TPP2: variants seen among roughly 807,000 people sequenced by gnomAD.
TPP2 encodes the protein tripeptidyl-peptidase 2.
Under a neutral mutation model 155.9 loss-of-function variants are expected in TPP2, and 34 were observed. The ratio of observed to expected loss-of-function variants is 0.22; its 90% CI spans 0.17 to 0.29. The LOEUF (loss-of-function observed/expected upper bound fraction) is 0.29. Ranked by LOEUF, TPP2 falls within the 10% of genes least tolerant of loss-of-function variation. The probability of loss-of-function intolerance (pLI) is 1.00; values close to 1 mark genes in which losing one functional copy is unlikely to be tolerated. For missense variants in TPP2, 1,028 were observed against 1,522.3 expected (o/e 0.68, Z 5.40); for synonymous variants, 510 against 529.4 (o/e 0.96, Z 0.50).
rs1159808207 is a variant in TPP2, at chr13:102,626,997, C to T, written c.785-15C>T. ...ATGAGAATGTTTTGTCATTTCCCCACCTTTGTGTCTCTAGGAGCTCATGGG... is the reference window on the plus strand; with the variant it reads ...ATGAGAATGTTTTGTCATTTCCCCATCTTTGTGTCTCTAGGAGCTCATGGG... On this transcript the variant is annotated splice_polypyrimidine_tract_variant and intron_variant, in intron 6 of 29. Transcript: ENST00000376052. 1.3e-6 allele frequency: 2 copies of T among 1,513,996 alleles called. No homozygotes were observed. The highest frequency in any genetic ancestry group is 2.3e-5 in the Admixed American group (1 of 43,532). The allele number at this position is 1,513,996 out of a possible 1,614,324, so 93.8% of individuals were successfully genotyped here. A position where few individuals can be genotyped will look rare whatever the true frequency, so the allele number is the denominator to read the frequency against.
At chr13:102,639,318 A>T (rs973858542) in intron 15 of TPP2, among the ~76,000 whole-genome samples, 2 of 152,180 alleles carry the variant, frequency 1.3e-5, no homozygotes, top group African/African-American at 4.8e-5. Context: ...ACTCTGGTAA[A>T]TATTAAGTAT....
intron 16 of TPP2, 91 bp from the exon 17 acceptor site, chr13:102,643,131 A>T: frequency 8.2e-7 from 1 of 1,217,062 alleles, no homozygotes; most frequent in Non-Finnish European, 1.1e-6. Flanking sequence ...CCTACATGGG[A>T]ATTATCCCTA....
At chr13:102,599,052 A>AG (rs1879227049) in intron 1 of TPP2, among the ~76,000 whole-genome samples, 2 of 152,136 alleles carry the variant, frequency 1.3e-5, no homozygotes, top group African/African-American at 4.8e-5. Flanking sequence ...CCTGTCACCC[A>AG]GGTAGTGAGC....
chr13:102,636,382 G>A lies in TPP2; in HGVS notation c.1668G>A (p.Pro556=), dbSNP rs144307937. ...DHGVGIEPVF[P]ENTENSEKIS... The stretch of plus-strand genomic sequence containing the variant: ...GCGTTGGCATTGAACCTGTATTTCC[G>A]GAGAACACAGGTCAGTAATAGGCTG... The change falls in exon 13 of 30, where the codon CCG becomes CCA. Residue 556 remains proline (P), a synonymous_variant. Transcript: ENST00000376052. 106 of 1,612,236 alleles carry A rather than the reference G, an allele frequency of 6.6e-5. No individual in the cohort carries two copies. The African/African-American group carries it at 8.5e-4, about 13-fold the overall frequency.
intron 2 of TPP2, among the ~76,000 whole-genome samples, chr13:102,610,482 G>A (rs1310247370): frequency 3.3e-5 from 5 of 152,046 alleles, no homozygotes; most frequent in Admixed American, 6.6e-5. Flanking sequence ...CACCCACTTC[G>A]GCCTCCCAGA....
intron 21 of TPP2, among the ~76,000 whole-genome samples, chr13:102,647,793 A>G (rs1258283135): frequency 6.6e-6 from 1 of 152,030 alleles, no homozygotes; most frequent in Non-Finnish European, 1.5e-5. Flanking sequence ...TCGTTGGACA[A>G]CTCTGTAATG....
intron 25 of TPP2, among the ~76,000 whole-genome samples, chr13:102,661,646 G>A (rs1250873817): frequency 6.6e-6 from 1 of 152,154 alleles, no homozygotes; most frequent in Non-Finnish European, 1.5e-5. Context: ...CTATAAAGAT[G>A]TACAAATGAC....
chr13:102,643,277 A>T lies in TPP2; in HGVS notation c.2076A>T (p.Ala692=). 3 of 1,612,286 alleles carry T rather than the reference A, an allele frequency of 1.9e-6. No individual in the cohort carries two copies. The highest frequency in any genetic ancestry group is 2.5e-6 in the Non-Finnish European group (3 of 1,179,302). ...SEVSAKFVLH[A]VQLVKQRAYR... ...TGTCAGCAAAGTTTGTTCTACATGCAGTCCAGCTTGTGAAGCAAAGAGCAT... is the reference window on the plus strand; with the variant it reads ...TGTCAGCAAAGTTTGTTCTACATGCTGTCCAGCTTGTGAAGCAAAGAGCAT... The change falls in exon 17 of 30, where the codon GCA becomes GCT. Residue 692 remains alanine, a synonymous_variant. Transcript: ENST00000376052.
At chr13:102,675,495 C>T (rs1344040579) in intron 28 of TPP2, among the ~76,000 whole-genome samples, 1 of 152,140 alleles carries the variant, frequency 6.6e-6, no homozygotes, top group Non-Finnish European at 1.5e-5. Flanking sequence ...CATGCAAAGT[C>T]CCCAACAATA....
At chr13:102,614,071 A>G (rs769997345) in intron 2 of TPP2, 30 bp from the exon 3 acceptor site, 4 of 1,594,836 alleles carry the variant, frequency 2.5e-6, no homozygotes, top group Non-Finnish European at 3.4e-6. Context: ...CATTTAGTGA[A>G]TGAACAGGTT....
Position 102,618,759 on chromosome 13 carries a change from T to G in TPP2, c.533T>G (p.Val178Gly). The change falls in exon 5 of 30, where the codon GTG becomes GGG. Residue 178 changes from valine to glycine, a missense_variant. Transcript: ENST00000376052. ...ATCAAGGAGGAACTTCAAAGTCAAG[T>G]GGAATTGCTAAATTCTTTTGAGAAG... The part of the protein sequence containing the change: ...KLIKEELQSQ[V>G]ELLNSFEKKY... The G allele has an allele frequency of 7.4e-6, 12 of 1,613,970 alleles. No individual in the cohort carries two copies. The highest frequency in any genetic ancestry group is 1.0e-5 in the Non-Finnish European group (12 of 1,179,902).
rs1247665667 is a variant in TPP2, at chr13:102,636,458, TAAAG to T, written c.1678+69_1678+72del. On this transcript the variant is annotated intron_variant, in intron 13 of 29. Transcript: ENST00000376052. ...GCTGTTTGAATGAGTGGTATCATAA[TAAAG>T]AATTGCTGTTTGGGCCAGTGTTGTG... is the stretch of plus-strand genomic sequence containing the variant. 2.6e-6 allele frequency: 4 copies of T among 1,526,498 alleles called. No individual in the cohort carries two copies. In the African/African-American group the frequency reaches 5.5e-5, roughly 21 times the overall value. The allele number at this position is 1,526,498 out of a possible 1,614,324, so 94.6% of individuals were successfully genotyped here.
chr13:102,635,772 A>G (rs1882334190), intron 12 of TPP2, 70 bp downstream of exon 12: 1 of 1,208,600 alleles, frequency 8.3e-7, no homozygotes, highest in Non-Finnish European at 1.2e-6. Flanking sequence ...TTATTGGGTA[A>G]TATTTTGTTT....
intron 26 of TPP2, among the ~76,000 whole-genome samples, 200 bp from the exon 27 acceptor site, chr13:102,664,595 T>C (rs1435288109): frequency 6.6e-6 from 1 of 152,168 alleles, no homozygotes; most frequent in African/African-American, 2.4e-5. Context: ...TTATTATGCA[T>C]CTGAGCTCAA....
At position 102,640,254 on chromosome 13, in the gene TPP2, T is replaced by G. The variant is rs757410725; in HGVS notation, c.1914-16T>G. 6.5e-7 allele frequency: 1 copy of G among 1,536,852 alleles called. No individual in the cohort carries two copies. The highest frequency in any genetic ancestry group is 1.2e-5 in the South Asian group (1 of 82,812). On this transcript the variant is annotated splice_polypyrimidine_tract_variant and intron_variant, in intron 15 of 29. Coordinates refer to ENST00000376052, the MANE Select transcript of TPP2 (RefSeq NM_001330588.2). ...ATAATAAATATATACATTTAATTAC[T>G]TTTATTAATTTTCAGAGTAAATGAA...
chr13:102,654,290 C>T (rs1883699749), intron 24 of TPP2, among the ~76,000 whole-genome samples: 1 of 152,072 alleles, frequency 6.6e-6, no homozygotes, highest in African/African-American at 2.4e-5. Context: ...TGTAGGATTA[C>T]ACTAACATTT....
Position 102,597,044 on chromosome 13 carries a change from C to T in TPP2, c.6C>T (p.Ala2=), listed in dbSNP as rs974068627. Residue 2 remains alanine, a synonymous_variant, in exon 1 of 30, where the codon GCC becomes GCT. Transcript: ENST00000376052. M[A]TAATEEPFPF... is the part of the protein sequence containing the mutation. ...TCGTCCTCCATCCTGCGTCCATGGC[C>T]ACCGCTGCGACTGAGGAGCCCTTCC... 8 of 1,611,570 alleles carry T rather than the reference C, an allele frequency of 5.0e-6. No homozygotes were observed. In the African/African-American group the frequency reaches 1.1e-4, roughly 22 times the overall value.
chr13:102,616,363 C>A lies in TPP2; in HGVS notation c.391-33C>A, dbSNP rs1033492245. ...CTAGGTTTACCTGAGTATTTGTCAGCCTAATTGTAAGGTAATTTTTCTGTC... is the reference window on the plus strand; with the variant it reads ...CTAGGTTTACCTGAGTATTTGTCAGACTAATTGTAAGGTAATTTTTCTGTC... On this transcript the variant is annotated intron_variant, in intron 3 of 29. Transcript: ENST00000376052. 7 of 1,561,854 alleles carry A rather than the reference C, an allele frequency of 4.5e-6. No homozygotes were observed. The African/African-American group carries it at 9.6e-5, about 21-fold the overall frequency.
chr13:102,664,682 A>G, intron 26 of TPP2, 113 bp from the exon 27 acceptor site: 1 of 1,074,406 alleles, frequency 9.3e-7, no homozygotes, highest in Non-Finnish European at 1.3e-6. Flanking sequence ...AGTCAATTAC[A>G]TAGTTTACTC....
Sources: gnomAD v4.1 joint callset for allele counts (sites outside exome capture counted in the v4.1 genomes callset) on GRCh38, gnomAD v4.1.1 for gene constraint, MANE v1.5 for transcripts, NCBI Gene and HGNC (gene_info 2026-07-23, HGNC 2026-07-21) for gene names.